DAZAP1: variants seen among roughly 807,000 people sequenced by gnomAD.
DAZAP1 encodes DAZ associated protein 1.
DAZAP1 carries 6 observed loss-of-function variants against 60.1 expected under a neutral mutation model. The observed-to-expected ratio is 0.10, with a 90% CI of 0.05 to 0.20. The LOEUF is 0.20. Among genes scored for constraint, DAZAP1 ranks in the 10% least tolerant of loss-of-function variants. DAZAP1 has a pLI of 1.00. For synonymous variants in DAZAP1, 235 were observed against 215.9 expected (o/e 1.09, Z -0.78); for missense variants, 366 against 560.4 (o/e 0.65, Z 3.50).
intron 1 of DAZAP1, among the ~76,000 whole-genome samples, chr19:1,411,921 GT>G (rs2082842314): frequency 6.6e-6 from 1 of 152,258 alleles, no homozygotes; most frequent in African/African-American, 2.4e-5. Flanking sequence ...CCTGGTCCCC[GT>G]GACACCATGT....
At chr19:1,431,815 C>T (rs2083459535) in intron 10 of DAZAP1, among the ~76,000 whole-genome samples, 1 of 152,196 alleles carries the variant, frequency 6.6e-6, no homozygotes, top group Non-Finnish European at 1.5e-5. Flanking sequence ...CAGCACGCAG[C>T]CAGCAGGAAC....
chr19:1,432,135 TGC>T lies in DAZAP1; in HGVS notation c.872-378_872-377del, dbSNP rs1412398820. ...GCACGTCAGGATGCTCCCTTGCCTGTGCTGGCAGCTTCCTAAACATGGGGACT... is the reference window on the plus strand; with the variant it reads ...GCACGTCAGGATGCTCCCTTGCCTGTTGGCAGCTTCCTAAACATGGGGACT... On this transcript the variant is annotated intron_variant, in intron 10 of 11. Coordinates refer to ENST00000233078, the MANE Select transcript of DAZAP1 (RefSeq NM_018959.4). This position sits in a 1 kb window ranked among gnomAD's most constrained non-coding sequence, Gnocchi z 4.9. 3.7e-6 allele frequency: 1 copy of T among 268,756 alleles called. No homozygotes were observed. The highest frequency in any genetic ancestry group is 7.2e-6 in the Non-Finnish European group (1 of 138,784). 16.6% of individuals were successfully genotyped at this position (268,756 alleles called of 1,614,324 possible). A position where few individuals can be genotyped will look rare whatever the true frequency, so the allele number is the denominator to read the frequency against.
In DAZAP1 at chr19:1,408,696, G is replaced by A. The variant is rs546166628; in HGVS notation, c.29+894G>A. On this transcript the variant is annotated intron_variant, in intron 1 of 11. Transcript: ENST00000233078. ...AGTCAGCGCTTCCGAGGCGGCGACG[G>A]GCCCGCGGATCTTTGCTGCGCCGAG... Among the ~76,000 whole-genome samples, 17 of 152,340 alleles carry A rather than the reference G, an allele frequency of 1.1e-4. No homozygotes were observed. The South Asian group carries it at 3.5e-3, about 32-fold the overall frequency.
Position 1,428,887 on chromosome 19 carries a change from C to T in DAZAP1, c.592C>T (p.Pro198Ser). The T allele has an allele frequency of 2.5e-6, 4 of 1,613,036 alleles. No individual in the cohort carries two copies. The highest frequency in any genetic ancestry group is 3.4e-6 in the Non-Finnish European group (4 of 1,179,906). ...AEPRDSKSQA[P>S]GQPGASQWGS... Reference sequence around the variant, plus strand: ...GCCTCGGGACAGCAAGAGCCAAGCGCCGGGACAGCCAGGTGCCAGCCAGTG... The same window carrying T: ...GCCTCGGGACAGCAAGAGCCAAGCGTCGGGACAGCCAGGTGCCAGCCAGTG... The change falls in exon 8 of 12, where the codon CCG becomes TCG. Residue 198 changes from proline to serine, a missense_variant. Physicochemically the swap from Pro to Ser is moderately conservative, Grantham distance 74. Around this residue, in one of 3 missense-constraint regions of DAZAP1, gnomAD observed 240 missense variants for 308.8 expected, o/e 0.78. Coordinates refer to ENST00000233078, the MANE Select transcript of DAZAP1 (RefSeq NM_018959.4). The surrounding 1 kb of genome is among the most constrained non-coding windows in gnomAD (Gnocchi z 4.0).
Position 1,422,583 on chromosome 19 carries a change from G to A in DAZAP1, c.463+187G>A, listed in dbSNP as rs2083189311. 1.3e-5 allele frequency among the ~76,000 whole-genome samples: 2 copies of A among 152,192 alleles called. No homozygotes were observed. Among genetic ancestry groups the A allele is most frequent in the Admixed American group, 6.5e-5 (1 of 15,280 alleles). On this transcript the variant is annotated intron_variant, in intron 6 of 11. Coordinates refer to ENST00000233078, the MANE Select transcript of DAZAP1 (RefSeq NM_018959.4). This position sits in a 1 kb window ranked among gnomAD's most constrained non-coding sequence, Gnocchi z 4.5. The stretch of plus-strand genomic sequence containing the variant: ...CCCATTCAGCCTGTCTGTGCTTCCC[G>A]AGGTCAGACGTCACACATTGTTTTT...
At chr19:1,414,868 T>C (rs1268817392) in intron 1 of DAZAP1, among the ~76,000 whole-genome samples, 1 of 151,984 alleles carries the variant, frequency 6.6e-6, no homozygotes, top group East Asian at 1.9e-4. Context: ...CTGTCACCCC[T>C]GCTGGAGTGC....
At chr19:1,413,123 A>G (rs1569040922) in intron 1 of DAZAP1, among the ~76,000 whole-genome samples, 1 of 152,162 alleles carries the variant, frequency 6.6e-6, no homozygotes, top group Non-Finnish European at 1.5e-5. Flanking sequence ...TTGCCCCGTT[A>G]ACGTCCTCAG....
Position 1,423,313 on chromosome 19 carries a change from T to G in DAZAP1, c.463+917T>G, listed in dbSNP as rs2083214599. Among the ~76,000 whole-genome samples, 1 of 152,278 alleles carries G rather than the reference T, an allele frequency of 6.6e-6. No homozygotes were observed. Among genetic ancestry groups the G allele is most frequent in the South Asian group, 2.1e-4 (1 of 4,838 alleles). On this transcript the variant is annotated intron_variant, in intron 6 of 11. Coordinates refer to ENST00000233078, the MANE Select transcript of DAZAP1 (RefSeq NM_018959.4). The surrounding 1 kb of genome is among the most constrained non-coding windows in gnomAD (Gnocchi z 6.8). Reference sequence around the variant, plus strand: ...AGTCGTAACTTAATTTAGACATACATGCTTAGTGACGTACTTAAGTGTTTC... The same window carrying G: ...AGTCGTAACTTAATTTAGACATACAGGCTTAGTGACGTACTTAAGTGTTTC...
chr19:1,423,968 C>T lies in DAZAP1; in HGVS notation c.463+1572C>T, dbSNP rs556045222. On this transcript the variant is annotated intron_variant, in intron 6 of 11. Transcript: ENST00000233078. The surrounding 1 kb of genome is among the most constrained non-coding windows in gnomAD (Gnocchi z 6.8). ...TTGAAAGTGTCCCTTGGGTGTCAGGCGAGTGGAGGGCCGGAGAGACGCTGC... is the reference window on the plus strand; with the variant it reads ...TTGAAAGTGTCCCTTGGGTGTCAGGTGAGTGGAGGGCCGGAGAGACGCTGC... 4.6e-5 allele frequency among the ~76,000 whole-genome samples: 7 copies of T among 152,226 alleles called. No homozygotes were observed. Among genetic ancestry groups the T allele is most frequent in the Non-Finnish European group, 8.8e-5 (6 of 68,030 alleles).
chr19:1,421,959 G>A (rs929929413), intron 5 of DAZAP1, among the ~76,000 whole-genome samples: 66 of 152,342 alleles, frequency 4.3e-4, no homozygotes, highest in African/African-American at 1.5e-3. Flanking sequence ...AGGGCCGAGC[G>A]TGCCCTTTGC....
rs114913879 is a variant in DAZAP1, at chr19:1,412,436, A to G, written c.29+4634A>G. Among the ~76,000 whole-genome samples, 1,216 of 152,228 alleles carry G rather than the reference A, an allele frequency of 8.0e-3. 16 individuals carry two copies. The highest frequency in any genetic ancestry group is 0.027 in the African/African-American group (1,137 of 41,544). On this transcript the variant is annotated intron_variant, in intron 1 of 11. Transcript: ENST00000233078. Reference sequence around the variant, plus strand: ...TTCTGCCTCTTGAGATTGTGCACGGAGCTGAGTGTGACTGGCGGAGCCCAG... The same window carrying G: ...TTCTGCCTCTTGAGATTGTGCACGGGGCTGAGTGTGACTGGCGGAGCCCAG...
Position 1,434,652 on chromosome 19 carries a change from G to A in DAZAP1, c.1049-85G>A. 1 of 1,469,174 alleles carries A rather than the reference G, an allele frequency of 6.8e-7. No individual in the cohort carries two copies. The allele number at this position is 1,469,174 out of a possible 1,614,324, so 91.0% of individuals were successfully genotyped here. On this transcript the variant is annotated intron_variant, in intron 11 of 11. Coordinates refer to ENST00000233078, the MANE Select transcript of DAZAP1 (RefSeq NM_018959.4). This position sits in a 1 kb window ranked among gnomAD's most constrained non-coding sequence, Gnocchi z 8.0. ...GACCCGTGGACTCAAGGCAGGCTCG[G>A]CGGAGCTGTGTCCAGGTGGCCTCGC...
chr19:1,417,619 C>T (rs2083025827), intron 2 of DAZAP1, 79 bp downstream of exon 2: 2 of 1,307,128 alleles, frequency 1.5e-6, no homozygotes, highest in African/African-American at 1.5e-5. Context: ...CTGCCCGCCT[C>T]TTGCTACTGT....
rs1230360791 is a variant in DAZAP1, at chr19:1,421,393, C to A, written c.414+135C>A. On this transcript the variant is annotated intron_variant, in intron 5 of 11. Coordinates refer to ENST00000233078, the MANE Select transcript of DAZAP1 (RefSeq NM_018959.4). Reference sequence around the variant, plus strand: ...GCTGGGAGCTCGCTGTCTCGTATTTCCCCAACGCCTGCGCCCTCCGGAAAG... The same window carrying A: ...GCTGGGAGCTCGCTGTCTCGTATTTACCCAACGCCTGCGCCCTCCGGAAAG... 4 of 721,876 alleles carry A rather than the reference C, an allele frequency of 5.5e-6. No individual in the cohort carries two copies. In the East Asian group the frequency reaches 8.1e-5, roughly 15 times the overall value. 44.7% of individuals were successfully genotyped at this position (721,876 alleles called of 1,614,324 possible). A position where few individuals can be genotyped will look rare whatever the true frequency, so the allele number is the denominator to read the frequency against.
At chr19:1,419,234 A>G (rs1451841304) in intron 4 of DAZAP1, among the ~76,000 whole-genome samples, 1 of 152,112 alleles carries the variant, frequency 6.6e-6, no homozygotes, top group Non-Finnish European at 1.5e-5. Flanking sequence ...TTTGGGTCTC[A>G]CCACCACCCA....
rs938493640 is a variant in DAZAP1, at chr19:1,428,662, C to G, written c.547-180C>G. The G allele has an allele frequency of 3.1e-5, 24 of 776,114 alleles. No homozygotes were observed. The highest frequency in any genetic ancestry group is 4.0e-5 in the Non-Finnish European group (20 of 502,472). The allele number at this position is 776,114 out of a possible 1,614,324, so 48.1% of individuals were successfully genotyped here. On this transcript the variant is annotated intron_variant, in intron 7 of 11. Transcript: ENST00000233078. This position sits in a 1 kb window ranked among gnomAD's most constrained non-coding sequence, Gnocchi z 4.0. ...GAAACATTTTTTAAACAAAAAAATT[C>G]AACACAAAAGAATTTTTTAAGAAAA...
chr19:1,421,189 A>G lies in DAZAP1; in HGVS notation c.345A>G (p.Ile115Met). 6.2e-7 allele frequency: 1 copy of G among 1,614,196 alleles called. No individual in the cohort carries two copies. The highest frequency in any genetic ancestry group is 8.5e-7 in the Non-Finnish European group (1 of 1,180,014). The change falls in exon 5 of 12, where the codon ATA (isoleucine) becomes ATG (methionine). Residue 115 changes from isoleucine to methionine, a missense_variant. This residue lies in a region of DAZAP1 where 98 missense variants were observed against 155.3 expected (regional missense o/e 0.63). Coordinates refer to ENST00000233078, the MANE Select transcript of DAZAP1 (RefSeq NM_018959.4). ...GCGATAACAGTAAATCAAATAAGAT[A>G]TTTGTCGGTGGAATTCCTCACAATT... is the stretch of plus-strand genomic sequence containing the variant. ...PRSDNSKSNK[I>M]FVGGIPHNCG...
At chr19:1,420,002 C>T (rs1389506234) in intron 4 of DAZAP1, among the ~76,000 whole-genome samples, 1 of 94,338 alleles carries the variant, frequency 1.1e-5, no homozygotes, top group Non-Finnish European at 2.1e-5. Context: ...CCCACGCGCA[C>T]ACTCATGAAA....
chr19:1,430,229 T>C lies in DAZAP1; in HGVS notation c.738T>C (p.Tyr246=). 6 of 1,583,702 alleles carry C rather than the reference T, an allele frequency of 3.8e-6. No homozygotes were observed. Among genetic ancestry groups the C allele is most frequent in the Non-Finnish European group, 5.1e-6 (6 of 1,165,186 alleles). The change falls in exon 10 of 12, where the codon TAT becomes TAC. Residue 246 remains tyrosine, a synonymous_variant. Coordinates refer to ENST00000233078, the MANE Select transcript of DAZAP1 (RefSeq NM_018959.4). ...CCGTACTGTGTGTTTCAGGTGGCTATGGACCGCCCCCTGCAGGAAGAGGAG... is the reference window on the plus strand; with the variant it reads ...CCGTACTGTGTGTTTCAGGTGGCTACGGACCGCCCCCTGCAGGAAGAGGAG... ...WVPAGQAIGG[Y]GPPPAGRGAP...
Sources: allele counts gnomAD v4.1 joint callset (sites outside exome capture counted in the v4.1 genomes callset), GRCh38; gene constraint gnomAD v4.1.1; regional missense constraint gnomAD v4.1.1; non-coding constraint Gnocchi (gnomAD v3.1); transcripts MANE v1.5; gene names NCBI Gene and HGNC (gene_info 2026-07-23, HGNC 2026-07-21).